ATP2B1: variants seen among roughly 807,000 people sequenced by gnomAD.
ATP2B1 encodes plasma membrane calcium-transporting ATPase 1.
A neutral mutation model predicts 124.2 loss-of-function variants in ATP2B1; 14 were observed. The ratio of observed to expected loss-of-function variants is 0.11; its 90% CI spans 0.07 to 0.18. The LOEUF (loss-of-function observed/expected upper bound fraction) is 0.18. Among genes scored for constraint, ATP2B1 ranks in the 10% least tolerant of loss-of-function variants. The pLI, the probability that ATP2B1 is intolerant of heterozygous loss-of-function variation, is 1.00. For missense variants in ATP2B1, 763 were observed against 1,466.1 expected (o/e 0.52, Z 7.83); for synonymous variants, 449 against 492.4 (o/e 0.91, Z 1.17).
At chr12:89,689,372 T>C (rs541810893) in intron 1 of ATP2B1, among the ~76,000 whole-genome samples, 1 of 152,150 alleles carries the variant, frequency 6.6e-6, no homozygotes, top group South Asian at 2.1e-4. Context: ...AATTTTACAA[T>C]GCAGGTAAAC....
intron 5 of ATP2B1, among the ~76,000 whole-genome samples, chr12:89,633,643 G>A (rs1882249236): frequency 6.6e-6 from 1 of 151,990 alleles, no homozygotes; most frequent in Non-Finnish European, 1.5e-5. Context: ...CTTTTGGCAT[G>A]CATTTATAAA....
chr12:89,656,121 A>G lies in ATP2B1; in HGVS notation c.-221-14T>C, dbSNP rs1015465072. 10 of 435,912 alleles carry G rather than the reference A, an allele frequency of 2.3e-5. No individual in the cohort carries two copies. Among genetic ancestry groups the G allele is most frequent in the Non-Finnish European group, 4.0e-5 (10 of 246,940 alleles). The allele number at this position is 435,912 out of a possible 1,614,324, so 27.0% of individuals were successfully genotyped here. On this transcript the variant is annotated splice_polypyrimidine_tract_variant and intron_variant, in intron 1 of 20. Transcript: ENST00000428670. ...AGATATACACATCTGTAAGAAGAAAATATTTAAAAGTTAATAAAATCTATC... is the reference window on the plus strand; with the variant it reads ...AGATATACACATCTGTAAGAAGAAAGTATTTAAAAGTTAATAAAATCTATC...
chr12:89,601,477 T>G, intron 18 of ATP2B1, 44 bp from the exon 19 acceptor site: 1 of 1,220,752 alleles, frequency 8.2e-7, no homozygotes, highest in Non-Finnish European at 1.1e-6. Context: ...TCTTAAATTT[T>G]AAAATTCATA....
At chr12:89,655,215 G>C (rs190027886) in intron 2 of ATP2B1, among the ~76,000 whole-genome samples, 1 of 152,244 alleles carries the variant, frequency 6.6e-6, no homozygotes, top group African/African-American at 2.4e-5. Context: ...TTTGCTTTAG[G>C]AACTCCTGAG....
intron 20 of ATP2B1, 84 bp downstream of exon 20, chr12:89,599,032 GT>G: frequency 6.8e-7 from 1 of 1,472,514 alleles, no homozygotes. Flanking sequence ...TAGAGAGGAA[GT>G]TTAAGGAGCA....
intron 2 of ATP2B1, among the ~76,000 whole-genome samples, chr12:89,643,608 G>C (rs1883993737): frequency 2.0e-5 from 3 of 152,214 alleles, no homozygotes; most frequent in South Asian, 4.1e-4. Context: ...GGTTAAGACA[G>C]AGCTAGTTGG....
At chr12:89,598,552 G>A (rs771116355) in intron 20 of ATP2B1, 4 of 1,581,666 alleles carry the variant, frequency 2.5e-6, no homozygotes, top group Admixed American at 3.5e-5. Context: ...TGTGAAGTAG[G>A]AAATGTTAAT....
intron 6 of ATP2B1, 111 bp from the exon 7 acceptor site, chr12:89,627,827 G>C: frequency 8.6e-7 from 1 of 1,164,830 alleles, no homozygotes; most frequent in Non-Finnish European, 1.3e-6. Flanking sequence ...AATGGTGTGT[G>C]TGTCTACAGA....
intron 1 of ATP2B1, among the ~76,000 whole-genome samples, chr12:89,667,776 T>C (rs144598773): frequency 8.5e-5 from 13 of 152,304 alleles, no homozygotes; most frequent in African/African-American, 2.9e-4. Flanking sequence ...TGCTCATGGA[T>C]TGGAAGAATC....
chr12:89,649,042 A>G (rs1314629665), intron 2 of ATP2B1, among the ~76,000 whole-genome samples: 1 of 152,278 alleles, frequency 6.6e-6, no homozygotes, highest in Non-Finnish European at 1.5e-5. Context: ...AAATATCAGA[A>G]AGGCTTGGTG....
At chr12:89,707,503 C>T (rs1325444457) in intron 1 of ATP2B1, among the ~76,000 whole-genome samples, 1 of 152,042 alleles carries the variant, frequency 6.6e-6, no homozygotes, top group Non-Finnish European at 1.5e-5. Context: ...CAATCGATAC[C>T]AACAGAAGCC....
Position 89,708,668 on chromosome 12 carries a change from G to C in ATP2B1, c.-294C>G, listed in dbSNP as rs1420916048. 1 of 151,902 alleles carries C rather than the reference G, an allele frequency of 6.6e-6. No individual in the cohort carries two copies. Among genetic ancestry groups the C allele is most frequent in the African/African-American group, 2.4e-5 (1 of 41,354 alleles). 9.4% of individuals were successfully genotyped at this position (151,902 alleles called of 1,614,324 possible). On this transcript the variant is annotated 5_prime_UTR_variant, in exon 1 of 21. Transcript: ENST00000428670. ...CTGCGGGAGGGTCGCGGGGCGTTAA[G>C]GGGCAGCGGGAAACGCAGAGGATGG...
intron 20 of ATP2B1, chr12:89,598,591 C>G: frequency 6.2e-7 from 1 of 1,613,122 alleles, no homozygotes; most frequent in South Asian, 1.1e-5. Context: ...CACACTCACA[C>G]CCCACAGTAG....
chr12:89,604,810 A>G (rs1876516953), intron 15 of ATP2B1, among the ~76,000 whole-genome samples: 1 of 152,128 alleles, frequency 6.6e-6, no homozygotes, highest in African/African-American at 2.4e-5. Flanking sequence ...ATCCTAATCC[A>G]AGTGTAGAGA....
At chr12:89,651,552 G>A (rs956542007) in intron 2 of ATP2B1, among the ~76,000 whole-genome samples, 3 of 152,122 alleles carry the variant, frequency 2.0e-5, no homozygotes, top group Non-Finnish European at 4.4e-5. Context: ...ACAGGTGTGA[G>A]CCACCATACC....
At chr12:89,634,274 A>G (rs1197335253) in intron 5 of ATP2B1, among the ~76,000 whole-genome samples, 1 of 152,194 alleles carries the variant, frequency 6.6e-6, no homozygotes, top group Non-Finnish European at 1.5e-5. Flanking sequence ...TAAATAGTTT[A>G]TATCTCAAAC....
Position 89,620,039 on chromosome 12 carries a change from G to A in ATP2B1, c.1789C>T (p.Arg597Ter), listed in dbSNP as rs1879711772. The A allele has an allele frequency of 6.2e-7, 1 of 1,613,948 alleles. No homozygotes were observed. Residue 597 changes from arginine (R) to a stop codon, truncating the protein, a stop_gained, in exon 11 of 21, where the codon CGA (arginine) becomes TGA (stop). Transcript: ENST00000428670. LOFTEE classifies it high-confidence loss of function. Reference sequence around the variant, plus strand: ...TCAGATGCACCCTTGCTGAATATTCGATAACTTCCATCTGAATTTTTCAGG... The same window carrying A: ...TCAGATGCACCCTTGCTGAATATTCAATAACTTCCATCTGAATTTTTCAGG... ...TVLKNSDGSY[R>*]IFSKGASEII...
At chr12:89,623,354 CTTT>C (rs112050233) in intron 9 of ATP2B1, among the ~76,000 whole-genome samples, 2 of 144,516 alleles carry the variant, frequency 1.4e-5, no homozygotes, top group African/African-American at 2.5e-5. Flanking sequence ...CAAGCTACAT[CTTT>C]TTTTTTTTTA....
rs917808511 is a variant in ATP2B1 at position 89,603,440 on chromosome 12, A to C, written c.2849-186T>G. ...ATAGGCAAGGAAACAGAAGCTCCCAAAACTATGGTGATAATCTCAGGATCA... is the reference window on the plus strand; with the variant it reads ...ATAGGCAAGGAAACAGAAGCTCCCACAACTATGGTGATAATCTCAGGATCA... On this transcript the variant is annotated intron_variant, in intron 17 of 20. Coordinates refer to ENST00000428670, the MANE Select transcript of ATP2B1 (RefSeq NM_001366521.1). This position sits in a 1 kb window ranked among gnomAD's most constrained non-coding sequence, Gnocchi z 4.3. 1.5e-6 allele frequency: 1 copy of C among 649,394 alleles called. No homozygotes were observed. Among genetic ancestry groups the C allele is most frequent in the African/African-American group, 1.8e-5 (1 of 54,686 alleles). 40.2% of individuals were successfully genotyped at this position (649,394 alleles called of 1,614,324 possible). A position where few individuals can be genotyped will look rare whatever the true frequency, so the allele number is the denominator to read the frequency against.
Sources: allele counts gnomAD v4.1 joint callset (sites outside exome capture counted in the v4.1 genomes callset), GRCh38; gene constraint gnomAD v4.1.1; non-coding constraint Gnocchi (gnomAD v3.1); transcripts MANE v1.5; gene names NCBI Gene and HGNC (gene_info 2026-07-23, HGNC 2026-07-21).